The following NBAS variants were observed in gnomAD, a reference collection of about 807,000 sequenced individuals.
NBAS encodes NAG/BC035112 fusion.
A neutral mutation model predicts 302.5 loss-of-function variants in NBAS; 219 were observed. That is an observed-to-expected ratio of 0.72 (90% CI 0.65 to 0.81). The LOEUF is 0.81. Ranked by LOEUF, NBAS falls within the 30% of genes least tolerant of loss-of-function variation. The pLI is 0.00. For synonymous variants in NBAS, 1,118 were observed against 1,021.6 expected, an observed-to-expected ratio of 1.09 and a Z score of -1.80; for missense variants, 2,932 against 2,841.6, an observed-to-expected ratio of 1.03 and a Z score of -0.72.
At chr2:14,847,742 G>A in the NBAS span, among the ~76,000 whole-genome samples, 7 of 152,100 alleles carry the variant, frequency 4.6e-5, no homozygotes, top group African/African-American at 7.2e-5. Context: ...GAAAACCAAC[G>A]AAGAAACATC....
At chr2:15,295,702 A>G (rs1441929118) in intron 40 of NBAS, among the ~76,000 whole-genome samples, 1 of 152,170 alleles carries the variant, frequency 6.6e-6, no homozygotes, top group Non-Finnish European at 1.5e-5. Flanking sequence ...GAGGGCAGAG[A>G]TCATGTGTAT....
At chr2:14,989,287 A>ATGTGTGTGTGTGTGTGTGTGTGTG in the NBAS span, among the ~76,000 whole-genome samples, 1 of 70,950 alleles carries the variant, frequency 1.4e-5, no homozygotes, top group Non-Finnish European at 2.9e-5. Context: ...TAGTAGATGT[A>ATGTGTGTGTGTGTGTGTGTGTGTG]TGTGTATGTG....
At chr2:14,861,538 A>T in the NBAS span, among the ~76,000 whole-genome samples, 3 of 152,200 alleles carry the variant, frequency 2.0e-5, no homozygotes, top group African/African-American at 7.2e-5. Context: ...AAAAACACAG[A>T]CTTTAGATCA....
the NBAS span, among the ~76,000 whole-genome samples, chr2:15,139,450 T>A: frequency 2.6e-5 from 4 of 152,176 alleles, no homozygotes; most frequent in Non-Finnish European, 4.4e-5. Flanking sequence ...GATTTTAATA[T>A]GAGTTACTGC....
At chr2:15,545,799 A>G (rs775517649) in intron 6 of NBAS, among the ~76,000 whole-genome samples, 25 of 152,260 alleles carry the variant, frequency 1.6e-4, no homozygotes, top group Non-Finnish European at 3.5e-4. Context: ...TCAAACCAGC[A>G]CTACTCCAAT....
intron 35 of NBAS, among the ~76,000 whole-genome samples, chr2:15,341,691 A>G (rs911279543): frequency 6.6e-6 from 1 of 152,188 alleles, no homozygotes; most frequent in Admixed American, 6.6e-5. Context: ...GTGCTAAAAG[A>G]GGAAGCGACT....
intron 42 of NBAS, among the ~76,000 whole-genome samples, chr2:15,279,124 T>C (rs1044173568): frequency 3.3e-5 from 5 of 152,076 alleles, no homozygotes; most frequent in African/African-American, 1.2e-4. Flanking sequence ...AATAAGAAAC[T>C]GTGTAGTCGC....
the NBAS span, among the ~76,000 whole-genome samples, chr2:14,956,268 C>T: frequency 7.2e-5 from 11 of 152,346 alleles, no homozygotes; most frequent in Admixed American, 6.5e-4. Flanking sequence ...CGGCCAAAGC[C>T]ATTCAACGAG....
At chr2:15,547,227 G>C (rs961228675) in intron 6 of NBAS, among the ~76,000 whole-genome samples, 6 of 152,226 alleles carry the variant, frequency 3.9e-5, no homozygotes, top group African/African-American at 1.4e-4. Context: ...TCCTATTTCA[G>C]TTTGTAGACT....
At chr2:15,006,571 A>C in the NBAS span, among the ~76,000 whole-genome samples, 1 of 152,250 alleles carries the variant, frequency 6.6e-6, no homozygotes, top group Non-Finnish European at 1.5e-5. Context: ...AAGGATTCCC[A>C]TGAAAAGGTC....
the NBAS span, among the ~76,000 whole-genome samples, chr2:14,993,792 T>C: frequency 6.6e-6 from 1 of 152,214 alleles, no homozygotes; most frequent in African/African-American, 2.4e-5. Flanking sequence ...AAGAGACTTT[T>C]AAATGAAATC....
At chr2:14,936,631 G>C in the NBAS span, among the ~76,000 whole-genome samples, 16 of 152,274 alleles carry the variant, frequency 1.1e-4, no homozygotes, top group Admixed American at 9.8e-4. Flanking sequence ...ACCTGATAAG[G>C]GTGGTGTCTC....
At chr2:14,935,894 G>T in the NBAS span, among the ~76,000 whole-genome samples, 1 of 152,086 alleles carries the variant, frequency 6.6e-6, no homozygotes, top group African/African-American at 2.4e-5. Flanking sequence ...CTACTGCTGG[G>T]CTTCTCCCTG....
chr2:15,249,216 C>A (rs1329092135), intron 44 of NBAS, among the ~76,000 whole-genome samples: 1 of 152,014 alleles, frequency 6.6e-6, no homozygotes, highest in Non-Finnish European at 1.5e-5. Context: ...AAAAAAACCA[C>A]ATGATTATCT....
At chr2:15,495,568 A>G (rs1030698964) in intron 11 of NBAS, among the ~76,000 whole-genome samples, 7 of 152,306 alleles carry the variant, frequency 4.6e-5, no homozygotes, top group East Asian at 1.9e-4. Flanking sequence ...GAGATGAAAA[A>G]TTGCATGATA....
At position 15,474,245 on chromosome 2, in the gene NBAS, T is replaced by C. The variant is rs1255449835; in HGVS notation, c.1421A>G (p.Asp474Gly). The change falls in exon 15 of 52, where the codon GAT (aspartate) becomes GGT (glycine). Residue 474 changes from aspartate (D) to glycine (G), a missense_variant. Coordinates refer to ENST00000281513, the MANE Select transcript of NBAS (RefSeq NM_015909.4). ...CTTGGCAGATATTTCATAATCAGAA[T>C]CAGAATCCTCTTCTCCTTCATCTTC... Reference protein sequence around the residue: ...GEEDEGEEDSDSDYEISAKAR... With the variant: ...GEEDEGEEDSGSDYEISAKAR... 1 of 1,614,084 alleles carries C rather than the reference T, an allele frequency of 6.2e-7. No individual in the cohort carries two copies. Among genetic ancestry groups the C allele is most frequent in the Non-Finnish European group, 8.5e-7 (1 of 1,179,962 alleles).
At chr2:15,553,277 C>T (rs894036220) in intron 5 of NBAS, 149 bp downstream of exon 5, 32 of 712,890 alleles carry the variant, frequency 4.5e-5, no homozygotes, top group Non-Finnish European at 7.3e-5. Flanking sequence ...TTTTAACTGG[C>T]GTAAGTTGGT....
the NBAS span, among the ~76,000 whole-genome samples, chr2:14,827,567 G>A: frequency 6.6e-6 from 1 of 152,144 alleles, no homozygotes; most frequent in Non-Finnish European, 1.5e-5. Context: ...ATCAGTGGAT[G>A]AATGGATAAA....
chr2:15,166,562 C>T (rs1664027980), downstream of NBAS, among the ~76,000 whole-genome samples: 2 of 152,140 alleles, frequency 1.3e-5, no homozygotes, highest in Non-Finnish European at 2.9e-5. Context: ...AATAATACCA[C>T]CCTTATTTTT....
Sources: gnomAD v4.1 joint callset for allele counts (sites outside exome capture counted in the v4.1 genomes callset) on GRCh38, gnomAD v4.1.1 for gene constraint, MANE v1.5 for transcripts, NCBI Gene and HGNC (gene_info 2026-07-23, HGNC 2026-07-21) for gene names.